LIPT2: variants seen among roughly 807,000 people sequenced by gnomAD.
The protein encoded by LIPT2 is octanoyl-[acyl-carrier-protein]:protein N-octanoyltransferase LIPT2, mitochondrial.
LIPT2 carries 16 observed loss-of-function variants against 16.2 expected under a neutral mutation model. That is an observed-to-expected ratio of 0.99 (90% CI 0.67 to 1.50). The LOEUF (loss-of-function observed/expected upper bound fraction) is 1.50, where lower values mean the gene tolerates loss of function less well. Ranked by LOEUF, LIPT2 falls within the 40% of genes most tolerant of loss-of-function variation. The pLI is 0.00. For missense variants in LIPT2, 424 were observed against 347.7 expected (o/e 1.22, Z -1.75); for synonymous variants, 199 against 169.3 (o/e 1.18, Z -1.36).
chr11:74,490,967 T>C lies in LIPT2; in HGVS notation c.*1168A>G, dbSNP rs553318631. ...TCTTCAAGATGGCCCCTAATAATCC[T>C]CACCTTCTGTTGCCCTAGTGCAGTC... On this transcript the variant is annotated 3_prime_UTR_variant, in exon 2 of 2. Transcript: ENST00000310109. Among the ~76,000 whole-genome samples the C allele has an allele frequency of 9.7e-4, 148 of 152,336 alleles. 1 individual carries two copies. Among genetic ancestry groups the C allele is most frequent in the African/African-American group, 3.4e-3 (141 of 41,586 alleles).
rs1381452046 is a variant in LIPT2, at chr11:74,492,228, C to T, written c.603G>A (p.Arg201=). 1.9e-6 allele frequency: 3 copies of T among 1,551,602 alleles called. No individual in the cohort carries two copies. Among genetic ancestry groups the T allele is most frequent in the Admixed American group, 2.0e-5 (1 of 50,986 alleles). The change falls in exon 2 of 2, where the codon AGG becomes AGA. Residue 201 remains arginine, a synonymous_variant. Transcript: ENST00000310109. ...GCATTACTTCTTCCACGGTGACGTG[C>T]CTCTGGAGCTCCTTACTCAAGGAAG... The part of the protein sequence containing the change: ...GVTSLSKELQ[R]HVTVEEVMPP...
intron 1 of LIPT2, 177 bp downstream of exon 1, chr11:74,493,061 G>C (rs1175401456): frequency 7.1e-6 from 3 of 420,708 alleles, no homozygotes; most frequent in South Asian, 8.1e-5. Context: ...CTGAATATAC[G>C]ATATCTGAAA....
At position 74,491,645 on chromosome 11, in the gene LIPT2, C is replaced by G. The variant is rs1864337046; in HGVS notation, c.*490G>C. ...TATTCTTAGAAGGTTCTTCCCTTTTCCCTTTATTGCAGAAAGAACCCAGGT... is the reference window on the plus strand; with the variant it reads ...TATTCTTAGAAGGTTCTTCCCTTTTGCCTTTATTGCAGAAAGAACCCAGGT... On this transcript the variant is annotated 3_prime_UTR_variant, in exon 2 of 2. Transcript: ENST00000310109. 6.5e-6 allele frequency: 1 copy of G among 154,506 alleles called. No homozygotes were observed. Among genetic ancestry groups the G allele is most frequent in the South Asian group, 2.0e-4 (1 of 5,052 alleles). 9.6% of individuals were successfully genotyped at this position (154,506 alleles called of 1,614,324 possible). A position where few individuals can be genotyped will look rare whatever the true frequency, so the allele number is the denominator to read the frequency against.
rs923564052 is a variant in LIPT2 at position 74,493,277 on chromosome 11, T to G, written c.427A>C (p.Thr143Pro). ...TTGCGATCGTCTAGCCAGACGCCAG[T>G]GTAGGGCGGGGGCCGCGCGCGGGCG... ...QDARARPPPY[T>P]GVWLDDRKIC... The change falls in exon 1 of 2, where the codon ACT (threonine) becomes CCT (proline). Residue 143 changes from threonine to proline, a missense_variant. Thr to Pro is a conservative substitution (Grantham distance 38). Transcript: ENST00000310109. The G allele has an allele frequency of 1.4e-6, 2 of 1,408,578 alleles. No homozygotes were observed. Among genetic ancestry groups the G allele is most frequent in the African/African-American group, 1.5e-5 (1 of 66,852 alleles). 87.3% of individuals were successfully genotyped at this position (1,408,578 alleles called of 1,614,324 possible).
chr11:74,492,459 C>T, intron 1 of LIPT2, 95 bp from the exon 2 acceptor site: 1 of 781,916 alleles, frequency 1.3e-6, no homozygotes. Context: ...GATTAGATCA[C>T]CGGTTTTCAA....
chr11:74,493,210 A>C (rs1026636044), intron 1 of LIPT2, 28 bp downstream of exon 1: 3 of 1,318,080 alleles, frequency 2.3e-6, no homozygotes, highest in African/African-American at 3.1e-5. Flanking sequence ...CTCGGCTCTC[A>C]GGTACCGCCC....
In LIPT2 at chr11:74,493,303, T is replaced by G. The variant is rs994449429; in HGVS notation, c.401A>C (p.Asp134Ala). Residue 134 changes from aspartate to alanine, a missense_variant, in exon 1 of 2, where the codon GAC becomes GCC. Transcript: ENST00000310109. ...VRLCELQGLQ[D>A]ARARPPPYTG... ...GTAGGGCGGGGGCCGCGCGCGGGCG[T>G]CCTGCAGGCCCTGGAGCTCGCACAG... The G allele has an allele frequency of 1.5e-5, 21 of 1,434,094 alleles. No individual in the cohort carries two copies. In the Admixed American group the frequency reaches 5.2e-4, roughly 35 times the overall value. The allele number at this position is 1,434,094 out of a possible 1,614,324, so 88.8% of individuals were successfully genotyped here. A position where few individuals can be genotyped will look rare whatever the true frequency, so the allele number is the denominator to read the frequency against.
Position 74,491,521 on chromosome 11 carries a change from T to A in LIPT2, c.*614A>T, listed in dbSNP as rs1034546743. 1.3e-5 allele frequency among the ~76,000 whole-genome samples: 2 copies of A among 152,248 alleles called. No homozygotes were observed. The highest frequency in any genetic ancestry group is 2.9e-5 in the Non-Finnish European group (2 of 68,040). Reference sequence around the variant, plus strand: ...TGTACAGTGTGAGAAATTATTCTTATCCTTCCTCCAGTCTTTGGCCTAGCT... The same window carrying A: ...TGTACAGTGTGAGAAATTATTCTTAACCTTCCTCCAGTCTTTGGCCTAGCT... On this transcript the variant is annotated 3_prime_UTR_variant, in exon 2 of 2. Coordinates refer to ENST00000310109, the MANE Select transcript of LIPT2 (RefSeq NM_001144869.3).
intron 1 of LIPT2, 138 bp from the exon 2 acceptor site, chr11:74,492,502 C>T: frequency 1.6e-6 from 1 of 631,866 alleles, no homozygotes; most frequent in South Asian, 1.9e-5. Flanking sequence ...GGATTGTACT[C>T]AGATGGGAAA....
intron 1 of LIPT2, among the ~76,000 whole-genome samples, chr11:74,492,690 G>A (rs1293283269): frequency 6.6e-6 from 1 of 151,852 alleles, no homozygotes; most frequent in African/African-American, 2.4e-5. Context: ...CGGATCACGA[G>A]GTCAGGAGAT....
In LIPT2 at chr11:74,492,123, T is replaced by A; in HGVS notation, c.*12A>T. The A allele has an allele frequency of 6.5e-7, 1 of 1,545,118 alleles. No individual in the cohort carries two copies. Among genetic ancestry groups the A allele is most frequent in the Non-Finnish European group, 8.8e-7 (1 of 1,141,086 alleles). ...CCCAAGGCAGGAGCATCCTGGCTGT[T>A]ATGAGTACTCTTCAGTTGGGGCTGT... On this transcript the variant is annotated 3_prime_UTR_variant, in exon 2 of 2. Transcript: ENST00000310109.
In LIPT2 at chr11:74,493,593, C is replaced by T. The variant is rs1338957308; in HGVS notation, c.111G>A (p.Glu37=). ...LRRLQAEPGI[E]APSGTEAGAL... is the part of the protein sequence containing the mutation. ...CGCCCGCCTCAGTCCCCGACGGGGC[C>T]TCAATGCCTGGCTCGGCCTGCAGCC... The change falls in exon 1 of 2, where the codon GAG becomes GAA. Residue 37 remains glutamate, a synonymous_variant. Coordinates refer to ENST00000310109, the MANE Select transcript of LIPT2 (RefSeq NM_001144869.3). The T allele has an allele frequency of 6.9e-7, 1 of 1,454,902 alleles. No homozygotes were observed. The highest frequency in any genetic ancestry group is 1.3e-5 in the South Asian group (1 of 74,746). 90.1% of individuals were successfully genotyped at this position (1,454,902 alleles called of 1,614,324 possible).
At chr11:74,493,149 C>T (rs1455907794) in intron 1 of LIPT2, 89 bp downstream of exon 1, 10 of 980,988 alleles carry the variant, frequency 1.0e-5, no homozygotes, top group Non-Finnish European at 1.4e-5. Context: ...CGGCCCTCAC[C>T]TCCGTTGGTC....
At position 74,493,238 on chromosome 11, in the gene LIPT2, C is replaced by G. The variant is rs1864386711; in HGVS notation, c.466G>C (p.Gly156Arg). 3 of 1,347,034 alleles carry G rather than the reference C, an allele frequency of 2.2e-6. No individual in the cohort carries two copies. The highest frequency in any genetic ancestry group is 1.5e-5 in the African/African-American group (1 of 65,494). 83.4% of individuals were successfully genotyped at this position (1,347,034 alleles called of 1,614,324 possible). A position where few individuals can be genotyped will look rare whatever the true frequency, so the allele number is the denominator to read the frequency against. Residue 156 changes from glycine (G) to arginine (R), a missense_variant and splice_region_variant, in exon 1 of 2, where the codon GGA becomes CGA. Gly to Arg is a moderately radical substitution (Grantham distance 125). Coordinates refer to ENST00000310109, the MANE Select transcript of LIPT2 (RefSeq NM_001144869.3). Reference sequence around the variant, plus strand: ...TACCGCCCTGCTCCGCGGCGCTCACCGATCGCGCAGATCTTGCGATCGTCT... The same window carrying G: ...TACCGCCCTGCTCCGCGGCGCTCACGGATCGCGCAGATCTTGCGATCGTCT... ...WLDDRKICAI[G>R]VRCGRHITSH... is the part of the protein sequence containing the mutation.
At position 74,493,631 on chromosome 11, in the gene LIPT2, G is replaced by A. The variant is rs1211954083; in HGVS notation, c.73C>T (p.Arg25Cys). 2.1e-6 allele frequency: 3 copies of A among 1,456,066 alleles called. No individual in the cohort carries two copies. Among genetic ancestry groups the A allele is most frequent in the South Asian group, 1.3e-5 (1 of 75,130 alleles). 90.2% of individuals were successfully genotyped at this position (1,456,066 alleles called of 1,614,324 possible). Residue 25 changes from arginine to cysteine, a missense_variant, in exon 1 of 2, where the codon CGC becomes TGC. Coordinates refer to ENST00000310109, the MANE Select transcript of LIPT2 (RefSeq NM_001144869.3). ...TCGGCCTGCAGCCGCCGCAGCCAGC[G>A]GTCCTGCAGCCCCAGTAGCTCGGCG... ...PYAELLGLQDRWLRRLQAEPG... is the reference protein window; with the variant it reads ...PYAELLGLQDCWLRRLQAEPG...
chr11:74,492,269 C>A lies in LIPT2; in HGVS notation c.562G>T (p.Val188Phe), dbSNP rs774052214. Residue 188 changes from valine to phenylalanine, a missense_variant, in exon 2 of 2, where the codon GTT (valine) becomes TTT (phenylalanine). Physicochemically the swap from Val to Phe is conservative, Grantham distance 50. Coordinates refer to ENST00000310109, the MANE Select transcript of LIPT2 (RefSeq NM_001144869.3). Reference protein sequence around the residue: ...WFEHIVPCGLVGTGVTSLSKE... With the variant: ...WFEHIVPCGLFGTGVTSLSKE... ...CTCAAGGAAGTGACGCCTGTCCCAACCAGTCCACAGGGCACGATGTGCTCA... is the reference window on the plus strand; with the variant it reads ...CTCAAGGAAGTGACGCCTGTCCCAAACAGTCCACAGGGCACGATGTGCTCA... 4.5e-6 allele frequency: 7 copies of A among 1,551,776 alleles called. No individual in the cohort carries two copies. The South Asian group carries it at 8.3e-5, about 18-fold the overall frequency.
Position 74,493,474 on chromosome 11 carries a change from C to A in LIPT2, c.230G>T (p.Gly77Val). ...PEETARLRAL[G>V]AEVRVTGRGG... ...GCGGCCTGTGACGCGCACCTCGGCG[C>A]CCAAGGCCCGTAGCCGCGCAGTTTC... is the stretch of plus-strand genomic sequence containing the variant. Residue 77 changes from glycine to valine, a missense_variant, in exon 1 of 2, where the codon GGC (glycine) becomes GTC (valine). Physicochemically the swap from Gly to Val is moderately radical, Grantham distance 109 (BLOSUM62 -3). Coordinates refer to ENST00000310109, the MANE Select transcript of LIPT2 (RefSeq NM_001144869.3). The A allele has an allele frequency of 6.8e-7, 1 of 1,477,322 alleles. No homozygotes were observed. The highest frequency in any genetic ancestry group is 1.3e-5 in the South Asian group (1 of 78,016). The allele number at this position is 1,477,322 out of a possible 1,614,324, so 91.5% of individuals were successfully genotyped here.
chr11:74,492,790 G>A (rs901878588), intron 1 of LIPT2, among the ~76,000 whole-genome samples: 7 of 151,488 alleles, frequency 4.6e-5, no homozygotes, highest in African/African-American at 1.7e-4. Flanking sequence ...TGTAGCCCCA[G>A]CTACTCTGGA....
chr11:74,493,295 C>A lies in LIPT2; in HGVS notation c.409G>T (p.Ala137Ser). 7.0e-7 allele frequency: 1 copy of A among 1,421,950 alleles called. No homozygotes were observed. The highest frequency in any genetic ancestry group is 1.4e-5 in the South Asian group (1 of 69,960). The allele number at this position is 1,421,950 out of a possible 1,614,324, so 88.1% of individuals were successfully genotyped here. A position where few individuals can be genotyped will look rare whatever the true frequency, so the allele number is the denominator to read the frequency against. Residue 137 changes from alanine (A) to serine (S), a missense_variant, in exon 1 of 2, where the codon GCG becomes TCG. Coordinates refer to ENST00000310109, the MANE Select transcript of LIPT2 (RefSeq NM_001144869.3). Reference sequence around the variant, plus strand: ...ACGCCAGTGTAGGGCGGGGGCCGCGCGCGGGCGTCCTGCAGGCCCTGGAGC... The same window carrying A: ...ACGCCAGTGTAGGGCGGGGGCCGCGAGCGGGCGTCCTGCAGGCCCTGGAGC... ...CELQGLQDAR[A>S]RPPPYTGVWL...
Sources: gnomAD v4.1 joint callset for allele counts (sites outside exome capture counted in the v4.1 genomes callset) on GRCh38, gnomAD v4.1.1 for gene constraint, MANE v1.5 for transcripts, NCBI Gene and HGNC (gene_info 2026-07-23, HGNC 2026-07-21) for gene names.